ABL1: variants seen among roughly 807,000 people sequenced by gnomAD.
ABL1 encodes the protein tyrosine-protein kinase ABL1.
A neutral mutation model predicts 94.7 loss-of-function variants in ABL1; 11 were observed. The observed-to-expected ratio is 0.12, with a 90% CI of 0.07 to 0.19. The LOEUF is 0.19. Among genes scored for constraint, ABL1 ranks in the 10% least tolerant of loss-of-function variants. The probability of loss-of-function intolerance (pLI) is 1.00; values close to 1 mark genes in which losing one functional copy is unlikely to be tolerated. For synonymous variants in ABL1, 656 were observed against 622.4 expected (o/e 1.05, Z -0.80); for missense variants, 1,082 against 1,489.4 (o/e 0.73, Z 4.50).
intron 1 of ABL1, among the ~76,000 whole-genome samples, chr9:130,724,592 T>C (rs1831554979): frequency 6.6e-6 from 1 of 151,776 alleles, no homozygotes; most frequent in Admixed American, 6.6e-5. Context: ...GGCGGATCAC[T>C]TGAGCTCAGG....
intron 1 of ABL1, among the ~76,000 whole-genome samples, chr9:130,782,541 G>A (rs1829768888): frequency 6.6e-6 from 1 of 152,162 alleles, no homozygotes; most frequent in South Asian, 2.1e-4. Flanking sequence ...TAACTTGGGT[G>A]GGATCACACC....
rs201683427 is a variant in ABL1, at chr9:130,885,348, G to C, written c.3058G>C (p.Glu1020Gln). 3 of 1,613,670 alleles carry C rather than the reference G, an allele frequency of 1.9e-6. No homozygotes were observed. Among genetic ancestry groups the C allele is most frequent in the African/African-American group, 2.7e-5 (2 of 75,044 alleles). ...VSLRKTRQPPERIASGAITKG... is the reference protein window; with the variant it reads ...VSLRKTRQPPQRIASGAITKG... Reference sequence around the variant, plus strand: ...TCTTCGGAAAACCCGCCAGCCTCCAGAGCGGATCGCCAGCGGCGCCATCAC... The same window carrying C: ...TCTTCGGAAAACCCGCCAGCCTCCACAGCGGATCGCCAGCGGCGCCATCAC... The change falls in exon 11 of 11, where the codon GAG becomes CAG. Residue 1020 changes from glutamate (E) to glutamine (Q), a missense_variant. Around this residue, in one of 7 missense-constraint regions of ABL1, gnomAD observed 780 missense variants for 835.8 expected, o/e 0.93. Transcript: ENST00000318560.
chr9:130,828,750 G>C (rs1830459000), intron 1 of ABL1, among the ~76,000 whole-genome samples: 1 of 151,980 alleles, frequency 6.6e-6, no homozygotes, highest in Non-Finnish European at 1.5e-5. Flanking sequence ...CAATCCCAGG[G>C]CTTTAATATC....
rs571294352 is a variant in ABL1 at position 130,861,108 on chromosome 9, C to T, written c.550-1655C>T. Among the ~76,000 whole-genome samples, 109 of 152,276 alleles carry T rather than the reference C, an allele frequency of 7.2e-4. 1 individual carries two copies. Among genetic ancestry groups the T allele is most frequent in the African/African-American group, 2.5e-3 (103 of 41,552 alleles). ...GTGCTCTCAAGAATAAAAGCAGGGC[C>T]GCCACATCCTGATAAGTCTTGCCAT... On this transcript the variant is annotated intron_variant, in intron 3 of 10. Transcript: ENST00000318560.
At chr9:130,765,007 G>A (rs1832163969) in intron 1 of ABL1, among the ~76,000 whole-genome samples, 2 of 151,400 alleles carry the variant, frequency 1.3e-5, no homozygotes, top group Non-Finnish European at 2.9e-5. Flanking sequence ...GTAGTGTGCT[G>A]ATTAACCAAA....
chr9:130,727,227 T>C (rs1034788249), intron 1 of ABL1, among the ~76,000 whole-genome samples: 1 of 150,138 alleles, frequency 6.7e-6, no homozygotes, highest in African/African-American at 2.4e-5. Flanking sequence ...TCTATAGCTT[T>C]GCTGAGGTTT....
chr9:130,866,643 A>C (rs919871111), intron 4 of ABL1, among the ~76,000 whole-genome samples: 1 of 152,190 alleles, frequency 6.6e-6, no homozygotes, highest in East Asian at 1.9e-4. Flanking sequence ...CCTTCCAGGC[A>C]GAAGGAAGAC....
upstream of ABL1, among the ~76,000 whole-genome samples, chr9:130,831,117 T>A (rs995013418): frequency 6.6e-6 from 1 of 152,226 alleles, no homozygotes; most frequent in Admixed American, 6.5e-5. Flanking sequence ...GTGGGCTTTG[T>A]TGGCATTTGC....
chr9:130,717,564 T>G (rs1373793798), intron 1 of ABL1, among the ~76,000 whole-genome samples: 1 of 148,738 alleles, frequency 6.7e-6, no homozygotes, highest in African/African-American at 2.5e-5. Context: ...TTAGCCAAGC[T>G]CCCACTGGAG....
chr9:130,883,922 GC>G, intron 10 of ABL1, 46 bp from the exon 11 acceptor site: 1 of 1,552,450 alleles, frequency 6.4e-7, no homozygotes, highest in Non-Finnish European at 8.7e-7. Flanking sequence ...TCCTCTGTCA[GC>G]CTCTAGAGTT....
At chr9:130,851,766 C>CTTTT (rs149948786) in intron 1 of ABL1, among the ~76,000 whole-genome samples, 3 of 122,812 alleles carry the variant, frequency 2.4e-5, no homozygotes, top group Non-Finnish European at 3.4e-5. Flanking sequence ...CTCTCTTTTT[C>CTTTT]TTTTTTTTTT....
rs576751753 is a variant in ABL1 at position 130,815,755 on chromosome 9, C to T, written c.137-38309C>T. Among the ~76,000 whole-genome samples the T allele has an allele frequency of 5.9e-5, 9 of 152,320 alleles. No homozygotes were observed. In the South Asian group the frequency reaches 1.9e-3, roughly 32 times the overall value. On this transcript the variant is annotated intron_variant, in intron 1 of 10. Transcript: ENST00000372348. The stretch of plus-strand genomic sequence containing the variant: ...AAACACCAGAGGCCGGGTGCAGTGG[C>T]TTATGCCTGTAATCCCAGCACTTTG...
At chr9:130,842,870 G>A (rs183138832) in intron 1 of ABL1, among the ~76,000 whole-genome samples, 3 of 152,306 alleles carry the variant, frequency 2.0e-5, no homozygotes, top group African/African-American at 2.4e-5. Flanking sequence ...GAAGGTGTCC[G>A]GCGAGCTCAC....
chr9:130,854,858 C>G lies in ABL1; in HGVS notation c.311C>G (p.Thr104Ser), dbSNP rs2132957851. The G allele has an allele frequency of 6.2e-7, 1 of 1,614,156 alleles. No individual in the cohort carries two copies. Among genetic ancestry groups the G allele is most frequent in the East Asian group, 2.2e-5 (1 of 44,884 alleles). Residue 104 changes from threonine to serine, a missense_variant, in exon 3 of 11, where the codon ACC becomes AGC. This residue lies in a region of ABL1 where 47 missense variants were observed against 142.2 expected (regional missense o/e 0.33). Coordinates refer to ENST00000318560, the MANE Select transcript of ABL1 (RefSeq NM_005157.6). Reference sequence around the variant, plus strand: ...AATGGGGAATGGTGTGAAGCCCAAACCAAAAATGGCCAAGGCTGGGTCCCA... The same window carrying G: ...AATGGGGAATGGTGTGAAGCCCAAAGCAAAAATGGCCAAGGCTGGGTCCCA... ...NHNGEWCEAQ[T>S]KNGQGWVPSN...
At chr9:130,809,419 T>TGAGAGA (rs1830175964) in intron 1 of ABL1, among the ~76,000 whole-genome samples, 6 of 69,128 alleles carry the variant, frequency 8.7e-5, no homozygotes, top group African/African-American at 2.4e-4. Flanking sequence ...AGAGAGAGAG[T>TGAGAGA]GTGTGTGTGT....
At chr9:130,828,678 GC>G (rs1377748012) in intron 1 of ABL1, among the ~76,000 whole-genome samples, 1 of 152,058 alleles carries the variant, frequency 6.6e-6, no homozygotes, top group Non-Finnish European at 1.5e-5. Flanking sequence ...TTGCACTCCT[GC>G]CTGGGCAAGC....
intron 7 of ABL1, among the ~76,000 whole-genome samples, chr9:130,877,947 G>C (rs573574871): frequency 6.6e-6 from 1 of 151,766 alleles, no homozygotes; most frequent in South Asian, 2.1e-4. Context: ...CGAGTAGCTG[G>C]GACTATAGGC....
chr9:130,832,176 T>G (rs1473065861), upstream of ABL1, among the ~76,000 whole-genome samples: 1 of 149,660 alleles, frequency 6.7e-6, no homozygotes, highest in African/African-American at 2.5e-5. Flanking sequence ...CAGGCTGGAG[T>G]GTGGTGGTGC....
At chr9:130,783,833 T>G (rs1829790106) in intron 1 of ABL1, among the ~76,000 whole-genome samples, 1 of 152,072 alleles carries the variant, frequency 6.6e-6, no homozygotes, top group Non-Finnish European at 1.5e-5. Context: ...TTTTTGTATT[T>G]TTAGTAGAGA....
Sources: gnomAD v4.1 joint callset for allele counts (sites outside exome capture counted in the v4.1 genomes callset) on GRCh38, gnomAD v4.1.1 for gene constraint, gnomAD v4.1.1 regional missense constraint, MANE v1.5 for transcripts, NCBI Gene and HGNC (gene_info 2026-07-23, HGNC 2026-07-21) for gene names.